RBFOX1: variants seen among roughly 807,000 people sequenced by gnomAD.
RBFOX1 encodes RNA binding fox-1 homolog 1, also known as RNA binding protein fox-1 homolog 1.
In RBFOX1, 8 loss-of-function variants were observed where a neutral mutation model predicts 57.7. The observed-to-expected ratio is 0.14, with a 90% CI of 0.08 to 0.25. The LOEUF is 0.25. Ranked by LOEUF, RBFOX1 falls within the 10% of genes least tolerant of loss-of-function variation. The probability of loss-of-function intolerance (pLI) is 1.00; values close to 1 mark genes in which losing one functional copy is unlikely to be tolerated. For synonymous variants in RBFOX1, 326 were observed against 222.4 expected (o/e 1.47, Z -4.15); for missense variants, 611 against 548.5 (o/e 1.11, Z -1.14).
intron 1 of RBFOX1, among the ~76,000 whole-genome samples, chr16:5,347,343 G>T (rs964793416): frequency 6.6e-6 from 1 of 152,154 alleles, no homozygotes; most frequent in African/African-American, 2.4e-5. Context: ...ATACTTGAAT[G>T]AATGCATGAA....
At chr16:7,414,198 A>G (rs1261104846) in intron 4 of RBFOX1, among the ~76,000 whole-genome samples, 1 of 152,250 alleles carries the variant, frequency 6.6e-6, no homozygotes, top group African/African-American at 2.4e-5. Flanking sequence ...CCATGCACCA[A>G]GATGGGATTG....
intron 3 of RBFOX1, among the ~76,000 whole-genome samples, chr16:6,750,357 A>G (rs2074687051): frequency 6.6e-6 from 1 of 152,190 alleles, no homozygotes; most frequent in Admixed American, 6.6e-5. Context: ...ATGCCTTATT[A>G]TGGTATTTAG....
chr16:6,091,270 C>T (rs183133104), intron 1 of RBFOX1, among the ~76,000 whole-genome samples: 5 of 152,098 alleles, frequency 3.3e-5, no homozygotes, highest in Non-Finnish European at 7.4e-5. Flanking sequence ...TCTATGATAC[C>T]CACTTATGAA....
chr16:7,521,819 C>G (rs546397081), intron 5 of RBFOX1, among the ~76,000 whole-genome samples: 1 of 152,172 alleles, frequency 6.6e-6, no homozygotes, highest in Non-Finnish European at 1.5e-5. Context: ...TTGGCCCATA[C>G]AATAAAAAGT....
chr16:7,134,559 C>T lies in RBFOX1; in HGVS notation c.27+82461C>T, dbSNP rs533511295. ...AATTTCATTCACAGTTTCCAAATTG[C>T]TAGCCTATTTTCTTAATTATATCAT... On this transcript the variant is annotated intron_variant, in intron 4 of 15. Coordinates refer to ENST00000550418, the MANE Select transcript of RBFOX1 (RefSeq NM_018723.4). Among the ~76,000 whole-genome samples the T allele has an allele frequency of 3.9e-5, 6 of 152,228 alleles. No individual in the cohort carries two copies. In the East Asian group the frequency reaches 1.2e-3, roughly 29 times the overall value.
chr16:6,898,565 A>C (rs2153401204), intron 3 of RBFOX1, among the ~76,000 whole-genome samples: 1 of 152,312 alleles, frequency 6.6e-6, no homozygotes, highest in African/African-American at 2.4e-5. Context: ...GCTGTGTTAC[A>C]CGGTACATAA....
intron 13 of RBFOX1, among the ~76,000 whole-genome samples, chr16:7,676,248 A>G (rs574278551): frequency 5.3e-5 from 8 of 152,340 alleles, no homozygotes; most frequent in African/African-American, 1.9e-4. Flanking sequence ...ACATTCTTCA[A>G]TAACATTAGT....
At chr16:5,431,155 C>T (rs1485124766) in intron 1 of RBFOX1, among the ~76,000 whole-genome samples, 1 of 152,188 alleles carries the variant, frequency 6.6e-6, no homozygotes, top group Non-Finnish European at 1.5e-5. Flanking sequence ...GCTACTGAGG[C>T]TGTTGTGTTG....
At position 7,029,547 on chromosome 16, in the gene RBFOX1, A is replaced by T. The variant is rs1024449924; in HGVS notation, c.-15-22510A>T. ...TAGCTCTTAAGAAATCTAATATTTTACCTGGACTAATATCTCCAAACAGGA... is the reference window on the plus strand; with the variant it reads ...TAGCTCTTAAGAAATCTAATATTTTTCCTGGACTAATATCTCCAAACAGGA... On this transcript the variant is annotated intron_variant, in intron 3 of 15. Coordinates refer to ENST00000550418, the MANE Select transcript of RBFOX1 (RefSeq NM_018723.4). Among the ~76,000 whole-genome samples the T allele has an allele frequency of 5.9e-5, 9 of 152,214 alleles. No homozygotes were observed. The East Asian group carries it at 1.6e-3, about 26-fold the overall frequency.
chr16:6,015,565 T>C (rs900154872), upstream of RBFOX1, among the ~76,000 whole-genome samples: 1 of 152,220 alleles, frequency 6.6e-6, no homozygotes, highest in African/African-American at 2.4e-5. Flanking sequence ...CTCTTGGCTC[T>C]TTCACCATTG....
intron 2 of RBFOX1, among the ~76,000 whole-genome samples, chr16:5,494,952 C>T (rs747630194): frequency 2.6e-5 from 4 of 152,128 alleles, no homozygotes; most frequent in Non-Finnish European, 4.4e-5. Flanking sequence ...AATAATACAG[C>T]GTGGTCGCAG....
intron 1 of RBFOX1, among the ~76,000 whole-genome samples, chr16:6,200,755 A>C (rs1380161847): frequency 4.6e-5 from 7 of 152,184 alleles, no homozygotes; most frequent in Non-Finnish European, 1.0e-4. Context: ...GTGATGGGAT[A>C]GACAAGGGGA....
chr16:5,743,744 T>C (rs921261577), intron 3 of RBFOX1, among the ~76,000 whole-genome samples: 1 of 152,170 alleles, frequency 6.6e-6, no homozygotes, highest in African/African-American at 2.4e-5. Context: ...GGCCTTGCTG[T>C]GTTGCCCTGG....
intron 4 of RBFOX1, among the ~76,000 whole-genome samples, chr16:7,461,292 C>G (rs1368655569): frequency 2.0e-5 from 3 of 151,980 alleles, no homozygotes; most frequent in Non-Finnish European, 4.4e-5. Context: ...CTCAGCCTCC[C>G]AAGTAGCTGG....
chr16:5,859,029 A>T (rs2057143669), intron 3 of RBFOX1, among the ~76,000 whole-genome samples: 1 of 152,012 alleles, frequency 6.6e-6, no homozygotes, highest in African/African-American at 2.4e-5. Context: ...GCATGGTGAA[A>T]CCCCATCTCT....
At chr16:6,602,678 C>T (rs2097868001) in intron 2 of RBFOX1, among the ~76,000 whole-genome samples, 1 of 152,190 alleles carries the variant, frequency 6.6e-6, no homozygotes, top group Non-Finnish European at 1.5e-5. Context: ...ATGGACAGCT[C>T]ATATGTTCAT....
At chr16:7,219,459 A>G (rs929551462) in intron 4 of RBFOX1, among the ~76,000 whole-genome samples, 1 of 152,162 alleles carries the variant, frequency 6.6e-6, no homozygotes, top group Non-Finnish European at 1.5e-5. Flanking sequence ...GGCTGCTCCA[A>G]CCGTGTTCAT....
At chr16:6,495,409 G>T (rs1284182363) in intron 2 of RBFOX1, among the ~76,000 whole-genome samples, 1 of 151,128 alleles carries the variant, frequency 6.6e-6, no homozygotes, top group South Asian at 2.1e-4. Flanking sequence ...AATATTACAG[G>T]CTTGAGCTTC....
chr16:6,338,544 A>C lies in RBFOX1; in HGVS notation c.-64+21487A>C, dbSNP rs533507849. ...AAAACAAATTCTCATACAGTTGAGC[A>C]CTGGGACTAAAATATTTTTTTAAAA... On this transcript the variant is annotated intron_variant, in intron 2 of 15. Coordinates refer to ENST00000550418, the MANE Select transcript of RBFOX1 (RefSeq NM_018723.4). 1.7e-3 allele frequency among the ~76,000 whole-genome samples: 254 copies of C among 152,354 alleles called. 2 individuals carry two copies. Among genetic ancestry groups the C allele is most frequent in the African/African-American group, 5.9e-3 (246 of 41,582 alleles).
Sources: allele counts gnomAD v4.1 joint callset (sites outside exome capture counted in the v4.1 genomes callset), GRCh38; gene constraint gnomAD v4.1.1; transcripts MANE v1.5; gene names NCBI Gene and HGNC (gene_info 2026-07-23, HGNC 2026-07-21).